Variants in CCT5 observed in about 807,000 individuals in gnomAD.
The protein encoded by CCT5 is T-complex protein 1 subunit epsilon.
Under a neutral mutation model 55.0 loss-of-function variants are expected in CCT5, and 6 were observed. That is an observed-to-expected ratio of 0.11 (90% CI 0.06 to 0.22). CCT5 has a LOEUF of 0.22. CCT5 is among the 10% of genes least tolerant of loss of function. The pLI, the probability that CCT5 is intolerant of heterozygous loss-of-function variation, is 1.00. For synonymous variants in CCT5, 231 were observed against 243.7 expected (o/e 0.95, Z 0.49); for missense variants, 560 against 694.6 (o/e 0.81, Z 2.18).
chr5:10,264,910 G>GCAT lies in CCT5; in HGVS notation c.*128_*129insATC. ...CACTGTAGATGCTATAATAAAAATA[G>GCAT]CTGTTTGGTAACCATAGTTTCACTT... On this transcript the variant is annotated 3_prime_UTR_variant, in exon 11 of 11. Coordinates refer to ENST00000280326, the MANE Select transcript of CCT5 (RefSeq NM_012073.5). 1 of 1,258,996 alleles carries GCAT rather than the reference G, an allele frequency of 7.9e-7. No homozygotes were observed. Among genetic ancestry groups the GCAT allele is most frequent in the Non-Finnish European group, 1.1e-6 (1 of 889,060 alleles). The allele number at this position is 1,258,996 out of a possible 1,614,324, so 78.0% of individuals were successfully genotyped here. A position where few individuals can be genotyped will look rare whatever the true frequency, so the allele number is the denominator to read the frequency against.
intron 10 of CCT5, 93 bp from the exon 11 acceptor site, chr5:10,264,563 A>T: frequency 2.3e-6 from 2 of 873,378 alleles, no homozygotes; most frequent in Admixed American, 3.4e-5. Flanking sequence ...GTATTTCTTA[A>T]GTCTTACTGT....
intron 8 of CCT5, 118 bp downstream of exon 8, chr5:10,261,863 A>C: frequency 1.2e-6 from 1 of 829,672 alleles, no homozygotes; most frequent in Non-Finnish European, 2.1e-6. Context: ...CGTGGTTCTC[A>C]AACAATGACG....
At chr5:10,250,890 A>G (rs572899478) in intron 1 of CCT5, 6 of 1,039,224 alleles carry the variant, frequency 5.8e-6, no homozygotes, top group Middle Eastern at 4.7e-4. Context: ...TGTCACTCGT[A>G]AAGGTGTGGT....
chr5:10,260,102 A>T (rs1238498967), intron 6 of CCT5, among the ~76,000 whole-genome samples: 1 of 152,062 alleles, frequency 6.6e-6, no homozygotes, highest in Non-Finnish European at 1.5e-5. Context: ...AGGGTCAGGG[A>T]AGGAAGAGAG....
At position 10,261,652 on chromosome 5, in the gene CCT5, C is replaced by G. The variant is rs141675330; in HGVS notation, c.1086C>G (p.Ile362Met). 6.0e-3 allele frequency: 9,668 copies of G among 1,614,074 alleles called. 43 individuals carry two copies. Among genetic ancestry groups the G allele is most frequent in the Admixed American group, 0.015 (895 of 60,020 alleles). The change falls in exon 8 of 11, where the codon ATC (isoleucine) becomes ATG (methionine). Residue 362 changes from isoleucine to methionine, a missense_variant. Transcript: ENST00000280326. ...GCTTTGCTGGTCTTGTACAGGAGAT[C>G]TCATTTGGGACAACTAAGGATAAAA... ...KLGFAGLVQE[I>M]SFGTTKDKML...
At position 10,263,346 on chromosome 5, in the gene CCT5, G is replaced by T. The variant is rs746728303; in HGVS notation, c.1498+32G>T. 4.4e-6 allele frequency: 7 copies of T among 1,588,250 alleles called. 1 individual carries two copies. Among genetic ancestry groups the T allele is most frequent in the African/African-American group, 2.7e-5 (2 of 72,802 alleles). ...AGCTGTCACGCCTCTGCGTGGAGGG[G>T]GGGGGATGTCTGATTTAAACTGAAT... On this transcript the variant is annotated intron_variant, in intron 10 of 10. Coordinates refer to ENST00000280326, the MANE Select transcript of CCT5 (RefSeq NM_012073.5).
intron 7 of CCT5, 123 bp from the exon 8 acceptor site, chr5:10,261,437 A>G (rs1000930198): frequency 1.2e-5 from 11 of 892,574 alleles, no homozygotes; most frequent in Non-Finnish European, 2.0e-5. Context: ...TCTCGGTCAA[A>G]GTGGGGCAGC....
chr5:10,254,905 C>G, intron 3 of CCT5, 67 bp downstream of exon 3: 1 of 1,348,818 alleles, frequency 7.4e-7, no homozygotes, highest in Non-Finnish European at 1.1e-6. Context: ...GCTAACATGC[C>G]TGCTGAGATT....
intron 1 of CCT5, among the ~76,000 whole-genome samples, chr5:10,252,264 C>T (rs1745461794): frequency 6.6e-6 from 1 of 152,104 alleles, no homozygotes; most frequent in African/African-American, 2.4e-5. Context: ...GAACGTCCAG[C>T]TAACTTGAAG....
At chr5:10,263,915 T>G (rs1746102422) in intron 10 of CCT5, among the ~76,000 whole-genome samples, 1 of 152,212 alleles carries the variant, frequency 6.6e-6, no homozygotes, top group African/African-American at 2.4e-5. Context: ...GTTTCAATAG[T>G]AGCAACTCTT....
chr5:10,261,292 C>A (rs766500585), intron 7 of CCT5: 17 of 520,584 alleles, frequency 3.3e-5, no homozygotes, highest in Non-Finnish European at 5.2e-5. Flanking sequence ...GAGGGCTGCA[C>A]AGATGGGAGA....
At chr5:10,259,443 C>T (rs1226232197) in intron 6 of CCT5, among the ~76,000 whole-genome samples, 3 of 152,194 alleles carry the variant, frequency 2.0e-5, no homozygotes, top group Non-Finnish European at 2.9e-5. Context: ...TTGGTGCCTA[C>T]GACATACCAG....
At chr5:10,250,108 TAA>T, upstream of CCT5, 1 of 1,535,922 alleles carries the variant, frequency 6.5e-7, no homozygotes, top group Non-Finnish European at 8.7e-7. Context: ...AGATTTCCAC[TAA>T]GTGTCTTCAA....
In CCT5 at chr5:10,255,829, T is replaced by A. The variant is rs1022242162; in HGVS notation, c.332-126T>A. On this transcript the variant is annotated intron_variant, in intron 3 of 10. Transcript: ENST00000280326. ...TTTAAAAATAGAGGGCTTCTGCCTC[T>A]AAGATGACTTGCAGCTTAATTCTAG... 8.2e-6 allele frequency: 7 copies of A among 849,326 alleles called. No homozygotes were observed. The African/African-American group carries it at 8.4e-5, about 10-fold the overall frequency. The allele number at this position is 849,326 out of a possible 1,614,324, so 52.6% of individuals were successfully genotyped here. A position where few individuals can be genotyped will look rare whatever the true frequency, so the allele number is the denominator to read the frequency against.
In CCT5 at chr5:10,265,349, C is replaced by T. The variant is rs377154717; in HGVS notation, c.*566C>T. 3 of 161,916 alleles carry T rather than the reference C, an allele frequency of 1.9e-5. No homozygotes were observed. The highest frequency in any genetic ancestry group is 7.2e-5 in the African/African-American group (3 of 41,618). The allele number at this position is 161,916 out of a possible 1,614,324, so 10.0% of individuals were successfully genotyped here. On this transcript the variant is annotated 3_prime_UTR_variant, in exon 11 of 11. Coordinates refer to ENST00000280326, the MANE Select transcript of CCT5 (RefSeq NM_012073.5). ...GTGAGCCTTTGCTTTCCTCTGGCCC[C>T]GGCCCCACCCTGAACACAGCTCATA... is the stretch of plus-strand genomic sequence containing the variant.
intron 3 of CCT5, 73 bp downstream of exon 3, chr5:10,254,911 A>C: frequency 8.3e-7 from 1 of 1,209,540 alleles, no homozygotes; most frequent in East Asian, 2.3e-5. Flanking sequence ...ATGCCTGCTG[A>C]GATTGTTGTC....
At chr5:10,251,264 A>C (rs979811024) in intron 1 of CCT5, among the ~76,000 whole-genome samples, 7 of 152,190 alleles carry the variant, frequency 4.6e-5, no homozygotes, top group Non-Finnish European at 7.4e-5. Context: ...TTTGGGGAAG[A>C]AGGGGAGCCA....
At chr5:10,251,705 C>T (rs1446963093) in intron 1 of CCT5, among the ~76,000 whole-genome samples, 2 of 152,128 alleles carry the variant, frequency 1.3e-5, no homozygotes, top group African/African-American at 4.8e-5. Flanking sequence ...CTTAGAGGGG[C>T]TGCACAGTGG....
intron 8 of CCT5, chr5:10,262,089 A>G: frequency 5.1e-6 from 2 of 394,492 alleles, no homozygotes; most frequent in Non-Finnish European, 9.6e-6. Context: ...TAGCAACATA[A>G]GACTCATTTT....
Sources: gnomAD v4.1 joint callset for allele counts (sites outside exome capture counted in the v4.1 genomes callset) on GRCh38, gnomAD v4.1.1 for gene constraint, MANE v1.5 for transcripts, NCBI Gene and HGNC (gene_info 2026-07-23, HGNC 2026-07-21) for gene names.